Variants in ATP11A observed in about 807,000 individuals in gnomAD.
ATP11A encodes phospholipid-transporting ATPase IH.
A neutral mutation model predicts 154.4 loss-of-function variants in ATP11A; 81 were observed. The ratio of observed to expected loss-of-function variants is 0.52; its 90% confidence interval spans 0.44 to 0.63. The LOEUF (loss-of-function observed/expected upper bound fraction) is 0.63. ATP11A is among the 30% of genes least tolerant of loss of function. The pLI is 0.00. For missense variants in ATP11A, 1,316 were observed against 1,474.3 expected, an observed-to-expected ratio of 0.89 and a Z score of 1.76; for synonymous variants, 623 against 585.9, an observed-to-expected ratio of 1.06 and a Z score of -0.91.
Position 112,696,233 on chromosome 13 carries a change from A to T in ATP11A, c.39+5778A>T. On this transcript the variant is annotated intron_variant, in intron 1 of 29. Coordinates refer to ENST00000375645, the MANE Select transcript of ATP11A (RefSeq NM_015205.3). The surrounding 1 kb of genome is among the most constrained non-coding windows in gnomAD (Gnocchi z 6.2). ...CGGGGCGTCTTTGTTGCGCGCATGG[A>T]CCTGCGGCTGCATCACCGTCCATGC... Among the ~76,000 whole-genome samples, 1 of 152,206 alleles carries T rather than the reference A, an allele frequency of 6.6e-6. No homozygotes were observed. Among genetic ancestry groups the T allele is most frequent in the East Asian group, 1.9e-4 (1 of 5,168 alleles).
intron 29 of ATP11A, among the ~76,000 whole-genome samples, chr13:112,879,115 T>G (rs1304184312): frequency 2.6e-5 from 4 of 152,262 alleles, no homozygotes; most frequent in Non-Finnish European, 5.9e-5. Flanking sequence ...TTTAGCCGTG[T>G]GCTCCTGCAC....
At chr13:112,757,528 G>A (rs2076870284) in intron 1 of ATP11A, among the ~76,000 whole-genome samples, 1 of 152,220 alleles carries the variant, frequency 6.6e-6, no homozygotes, top group Non-Finnish European at 1.5e-5. Context: ...CAACTGGGCT[G>A]TTTTAGACCT....
chr13:112,701,043 G>A (rs778943443), intron 1 of ATP11A, among the ~76,000 whole-genome samples: 5 of 152,324 alleles, frequency 3.3e-5, no homozygotes, highest in South Asian at 4.1e-4. Context: ...AGGTCGCTGC[G>A]GCCCTTTCAG....
intron 12 of ATP11A, among the ~76,000 whole-genome samples, chr13:112,830,033 G>A (rs149353202): frequency 1.4e-4 from 22 of 152,282 alleles, no homozygotes; most frequent in Middle Eastern, 6.8e-3. Flanking sequence ...TTGTTTCCAC[G>A]TTCTTAAAAC....
intron 1 of ATP11A, among the ~76,000 whole-genome samples, chr13:112,709,928 C>G (rs139863569): frequency 1.3e-5 from 2 of 152,260 alleles, no homozygotes; most frequent in Non-Finnish European, 2.9e-5. Context: ...CCAGTTAGGC[C>G]GCGCTGCTCC....
chr13:112,818,183 G>A (rs1272831752), intron 6 of ATP11A, among the ~76,000 whole-genome samples: 11 of 149,422 alleles, frequency 7.4e-5, no homozygotes, highest in African/African-American at 2.0e-4. Context: ...GGCGGTGACC[G>A]TCGGTGCGCT....
chr13:112,789,945 T>C (rs1451505973), intron 2 of ATP11A, among the ~76,000 whole-genome samples: 2 of 148,866 alleles, frequency 1.3e-5, no homozygotes, highest in African/African-American at 5.0e-5. Flanking sequence ...GACTCCTATG[T>C]ATACCTATTT....
chr13:112,821,454 C>G (rs905972657), intron 8 of ATP11A, among the ~76,000 whole-genome samples: 17 of 152,150 alleles, frequency 1.1e-4, no homozygotes, highest in African/African-American at 3.9e-4. Flanking sequence ...GCTAGGATTA[C>G]AGGCGTGTGC....
At chr13:112,871,341 AC>A (rs2080514712) in intron 25 of ATP11A, among the ~76,000 whole-genome samples, 1 of 152,192 alleles carries the variant, frequency 6.6e-6, no homozygotes, top group Admixed American at 6.5e-5. Flanking sequence ...GTTTGCGTGT[AC>A]CCGAGTTTGC....
intron 1 of ATP11A, among the ~76,000 whole-genome samples, chr13:112,695,585 G>T (rs1258666189): frequency 6.6e-6 from 1 of 152,188 alleles, no homozygotes; most frequent in Non-Finnish European, 1.5e-5. Context: ...AGGGAAAAAA[G>T]TTTGTATTAT....
intron 13 of ATP11A, among the ~76,000 whole-genome samples, chr13:112,832,039 C>G (rs1319280767): frequency 1.3e-5 from 2 of 152,082 alleles, no homozygotes; most frequent in Admixed American, 6.6e-5. Flanking sequence ...CTCTCACACA[C>G]TCCCTGACAC....
chr13:112,709,411 T>C (rs2139551910), intron 1 of ATP11A, among the ~76,000 whole-genome samples: 1 of 152,384 alleles, frequency 6.6e-6, no homozygotes, highest in South Asian at 2.1e-4. Flanking sequence ...CTCTTCCCCC[T>C]TTGTTTTCCT....
At chr13:112,723,046 G>C (rs1889378378) in intron 1 of ATP11A, among the ~76,000 whole-genome samples, 1 of 152,012 alleles carries the variant, frequency 6.6e-6, no homozygotes. Context: ...AGATAAGGAG[G>C]CCCTGTCAGA....
chr13:112,885,603 C>CAG lies in ATP11A; in HGVS notation c.*3738_*3739insGA, dbSNP rs1188369685. The CAG allele has an allele frequency of 3.7e-4, 1 of 2,668 alleles. No homozygotes were observed. Among genetic ancestry groups the CAG allele is most frequent in the Non-Finnish European group, 9.5e-4 (1 of 1,052 alleles). The allele number at this position is 2,668 out of a possible 1,614,324, so 0.2% of individuals were successfully genotyped here. ...CACGTCTCCCACACGTGAGCTCCCACACGTACACATGCACATGTACGCACC... is the reference window on the plus strand; with the variant it reads ...CACGTCTCCCACACGTGAGCTCCCACAGACGTACACATGCACATGTACGCACC... On this transcript the variant is annotated 3_prime_UTR_variant, in exon 30 of 30. Coordinates refer to ENST00000375645, the MANE Select transcript of ATP11A (RefSeq NM_015205.3).
intron 2 of ATP11A, among the ~76,000 whole-genome samples, chr13:112,787,072 T>C (rs559677042): frequency 8.6e-5 from 12 of 139,404 alleles, no homozygotes; most frequent in Middle Eastern, 5.1e-3. Flanking sequence ...GGTGTCCTGA[T>C]GCGTAGACCC....
At position 112,866,128 on chromosome 13, in the gene ATP11A, C is replaced by T. The variant is rs567757515; in HGVS notation, c.2991+3553C>T. Among the ~76,000 whole-genome samples the T allele has an allele frequency of 5.9e-5, 9 of 152,310 alleles. No homozygotes were observed. In the South Asian group the frequency reaches 8.3e-4, roughly 14 times the overall value. On this transcript the variant is annotated intron_variant, in intron 25 of 29. Coordinates refer to ENST00000375645, the MANE Select transcript of ATP11A (RefSeq NM_015205.3). ...CTTGCTTTTTTCTTTTTGCCACTGGCGTCCCTTCCCACCCTCAGATAATGA... is the reference window on the plus strand; with the variant it reads ...CTTGCTTTTTTCTTTTTGCCACTGGTGTCCCTTCCCACCCTCAGATAATGA...
At chr13:112,845,480 C>T (rs2079562132) in intron 17 of ATP11A, among the ~76,000 whole-genome samples, 1 of 120,492 alleles carries the variant, frequency 8.3e-6, no homozygotes, top group African/African-American at 4.1e-5. Context: ...GTCCAGTTGC[C>T]AGGCACTAGT....
Position 112,701,433 on chromosome 13 carries a change from C to A in ATP11A, c.39+10978C>A, listed in dbSNP as rs1005734149. On this transcript the variant is annotated intron_variant, in intron 1 of 29. Transcript: ENST00000375645. Reference sequence around the variant, plus strand: ...TTTGAAGGAAAACTTGCCAAGTTCGCCTGACCTTTGAAATGCCAAGAATCC... The same window carrying A: ...TTTGAAGGAAAACTTGCCAAGTTCGACTGACCTTTGAAATGCCAAGAATCC... 3.3e-5 allele frequency among the ~76,000 whole-genome samples: 5 copies of A among 152,306 alleles called. No individual in the cohort carries two copies. The South Asian group carries it at 1.0e-3, about 32-fold the overall frequency.
At chr13:112,777,312 C>G (rs914904908) in intron 1 of ATP11A, among the ~76,000 whole-genome samples, 3 of 152,182 alleles carry the variant, frequency 2.0e-5, no homozygotes, top group Non-Finnish European at 4.4e-5. Context: ...GCCCGTAATC[C>G]CAGCACTTTG....
Sources: gnomAD v4.1 joint callset for allele counts (sites outside exome capture counted in the v4.1 genomes callset) on GRCh38, gnomAD v4.1.1 for gene constraint, Gnocchi (gnomAD v3.1) non-coding constraint, MANE v1.5 for transcripts, NCBI Gene and HGNC (gene_info 2026-07-23, HGNC 2026-07-21) for gene names.